DNER: variants seen among roughly 807,000 people sequenced by gnomAD.
DNER encodes the protein delta/notch like EGF repeat containing.
A neutral mutation model predicts 78.2 loss-of-function variants in DNER; 33 were observed. That is an observed-to-expected ratio of 0.42 (90% CI 0.32 to 0.56). DNER has a LOEUF of 0.56. Ranked by LOEUF, DNER falls within the 20% of genes least tolerant of loss-of-function variation. The pLI is 0.11. For synonymous variants in DNER, 417 were observed against 384.8 expected (o/e 1.08, Z -0.98); for missense variants, 918 against 975.3 (o/e 0.94, Z 0.78).
At chr2:229,671,644 G>A (rs1376873590) in intron 1 of DNER, among the ~76,000 whole-genome samples, 1 of 152,178 alleles carries the variant, frequency 6.6e-6, no homozygotes, top group African/African-American at 2.4e-5. Flanking sequence ...ATAAATATGG[G>A]CTGAATTAAT....
At chr2:229,562,958 CCATCAT>C (rs1273480473) in intron 4 of DNER, among the ~76,000 whole-genome samples, 1 of 151,186 alleles carries the variant, frequency 6.6e-6, no homozygotes. Flanking sequence ...CATCCCACCA[CCATCAT>C]CATCATCATC....
At chr2:229,477,102 T>G (rs1695052826) in intron 7 of DNER, 38 bp downstream of exon 7, 4 of 1,530,574 alleles carry the variant, frequency 2.6e-6, no homozygotes, top group Non-Finnish European at 3.6e-6. Flanking sequence ...TGATTTAAAA[T>G]GAAAAAAGTT....
At chr2:229,432,589 T>C (rs935805219) in intron 8 of DNER, among the ~76,000 whole-genome samples, 7 of 152,208 alleles carry the variant, frequency 4.6e-5, no homozygotes, top group East Asian at 1.9e-4. Flanking sequence ...TAGTTACTAA[T>C]AGACATTCAT....
chr2:229,416,248 A>G (rs369589891), intron 9 of DNER, among the ~76,000 whole-genome samples: 2 of 152,240 alleles, frequency 1.3e-5, no homozygotes, highest in Non-Finnish European at 1.5e-5. Context: ...TCCAAATTCA[A>G]TTTTGAGTAG....
intron 5 of DNER, among the ~76,000 whole-genome samples, chr2:229,530,760 G>C (rs1696286041): frequency 6.6e-6 from 1 of 152,226 alleles, no homozygotes; most frequent in African/African-American, 2.4e-5. Flanking sequence ...AACTTGGAAA[G>C]AACTAATGCC....
chr2:229,470,576 G>T (rs773925555), intron 7 of DNER, among the ~76,000 whole-genome samples: 1 of 152,154 alleles, frequency 6.6e-6, no homozygotes, highest in African/African-American at 2.4e-5. Flanking sequence ...TTGGAAGGGC[G>T]CAGTGGCTCA....
chr2:229,627,126 T>C (rs1353852118), intron 1 of DNER, among the ~76,000 whole-genome samples: 2 of 152,170 alleles, frequency 1.3e-5, no homozygotes, highest in African/African-American at 2.4e-5. Flanking sequence ...AACTTGTACT[T>C]CTAGTCCCCT....
At chr2:229,427,681 G>A (rs566268769) in intron 8 of DNER, among the ~76,000 whole-genome samples, 3 of 152,262 alleles carry the variant, frequency 2.0e-5, no homozygotes, top group Admixed American at 2.0e-4. Flanking sequence ...TTCAAGGCAG[G>A]AAAAGCTGTG....
intron 6 of DNER, among the ~76,000 whole-genome samples, chr2:229,485,503 A>C (rs1333300223): frequency 1.3e-5 from 2 of 152,194 alleles, no homozygotes; most frequent in Non-Finnish European, 2.9e-5. Context: ...CTAGAGAGAG[A>C]AGAGTGGCTA....
chr2:229,482,958 AG>A (rs1333364564), intron 6 of DNER, among the ~76,000 whole-genome samples: 1 of 152,174 alleles, frequency 6.6e-6, no homozygotes, highest in Non-Finnish European at 1.5e-5. Flanking sequence ...CCAACTAAGG[AG>A]GGAAGGAAAA....
At chr2:229,644,192 G>C (rs1298881142) in intron 1 of DNER, among the ~76,000 whole-genome samples, 1 of 151,978 alleles carries the variant, frequency 6.6e-6, no homozygotes, top group East Asian at 1.9e-4. Context: ...ATATTTATGA[G>C]GTACATGAGA....
intron 5 of DNER, among the ~76,000 whole-genome samples, chr2:229,515,208 G>A (rs1695946119): frequency 6.6e-6 from 1 of 152,152 alleles, no homozygotes. Flanking sequence ...GCTAAGAGAA[G>A]CTGTCAGAAA....
intron 8 of DNER, among the ~76,000 whole-genome samples, chr2:229,433,834 T>C (rs572477253): frequency 4.6e-5 from 7 of 152,224 alleles, no homozygotes; most frequent in African/African-American, 9.6e-5. Flanking sequence ...TACTAGACAT[T>C]TGTGAATTAG....
chr2:229,528,652 A>G (rs1696249417), intron 5 of DNER, among the ~76,000 whole-genome samples: 1 of 152,174 alleles, frequency 6.6e-6, no homozygotes, highest in African/African-American at 2.4e-5. Flanking sequence ...ACAAATATGG[A>G]AGCCCATGCT....
intron 1 of DNER, among the ~76,000 whole-genome samples, chr2:229,661,698 C>G (rs1699013541): frequency 6.6e-6 from 1 of 152,118 alleles, no homozygotes; most frequent in Non-Finnish European, 1.5e-5. Flanking sequence ...TAAAGTCAAC[C>G]CTACCTAAAG....
chr2:229,362,630 T>C (rs143210664), intron 12 of DNER, among the ~76,000 whole-genome samples: 53 of 152,344 alleles, frequency 3.5e-4, no homozygotes, highest in African/African-American at 1.3e-3. Flanking sequence ...TAATGATACA[T>C]GGTCCCCTAC....
At chr2:229,462,067 G>A (rs1456484188) in intron 7 of DNER, among the ~76,000 whole-genome samples, 6 of 152,094 alleles carry the variant, frequency 3.9e-5, no homozygotes, top group Non-Finnish European at 8.8e-5. Flanking sequence ...AAGTAATTTA[G>A]CTAGTTGACT....
At chr2:229,655,187 T>A in intron 1 of DNER, among the ~76,000 whole-genome samples, 1 of 152,048 alleles carries the variant, frequency 6.6e-6, no homozygotes, top group Non-Finnish European at 1.5e-5. Flanking sequence ...CTGCATGATA[T>A]CTTTACATAT....
chr2:229,593,447 T>C (rs545525164), intron 1 of DNER, among the ~76,000 whole-genome samples: 21 of 152,318 alleles, frequency 1.4e-4, no homozygotes, highest in African/African-American at 5.1e-4. Flanking sequence ...AGGAGAAGCC[T>C]TCCCTCACTG....
Sources: gnomAD v4.1 joint callset for allele counts (sites outside exome capture counted in the v4.1 genomes callset) on GRCh38, gnomAD v4.1.1 for gene constraint, MANE v1.5 for transcripts, NCBI Gene and HGNC (gene_info 2026-07-23, HGNC 2026-07-21) for gene names.